TBC1D19: variants seen among roughly 807,000 people sequenced by gnomAD.
TBC1D19 encodes the protein TBC1 domain family, member 19.
A neutral mutation model predicts 89.0 loss-of-function variants in TBC1D19; 60 were observed. That is an observed-to-expected ratio of 0.67 (90% CI 0.55 to 0.84). The LOEUF is 0.84. TBC1D19 is among the 40% of genes least tolerant of loss of function. The pLI, the probability that TBC1D19 is intolerant of heterozygous loss-of-function variation, is 0.00. For synonymous variants in TBC1D19, 189 were observed against 199.7 expected, an observed-to-expected ratio of 0.95 and a Z score of 0.45; for missense variants, 500 against 610.8, an observed-to-expected ratio of 0.82 and a Z score of 1.91.
intron 19 of TBC1D19, among the ~76,000 whole-genome samples, chr4:26,751,008 G>A (rs1718920910): frequency 6.6e-6 from 1 of 152,114 alleles, no homozygotes; most frequent in South Asian, 2.1e-4. Flanking sequence ...CGATAGAATT[G>A]CTTAGAATTA....
chr4:26,786,906 A>G, the TBC1D19 span, among the ~76,000 whole-genome samples: 1 of 152,126 alleles, frequency 6.6e-6, no homozygotes, highest in Non-Finnish European at 1.5e-5. Context: ...TTTGAAGTCA[A>G]TTAGACAAGA....
At chr4:26,596,487 TGA>T (rs971835780) in intron 1 of TBC1D19, among the ~76,000 whole-genome samples, 32 of 142,306 alleles carry the variant, frequency 2.2e-4, no homozygotes, top group South Asian at 4.6e-4. Flanking sequence ...TGTGTGTGTG[TGA>T]GAGAGAGTGT....
intron 4 of TBC1D19, among the ~76,000 whole-genome samples, chr4:26,633,192 C>T (rs939132791): frequency 7.2e-5 from 11 of 152,086 alleles, no homozygotes; most frequent in African/African-American, 2.7e-4. Flanking sequence ...ATAAGTCTTC[C>T]AGACTTTCAT....
At chr4:26,650,459 G>A (rs1241074059) in intron 7 of TBC1D19, among the ~76,000 whole-genome samples, 11 of 152,188 alleles carry the variant, frequency 7.2e-5, no homozygotes, top group South Asian at 2.1e-4. Context: ...TTCTCTGATG[G>A]CCAGTGATGA....
intron 17 of TBC1D19, 33 bp from the exon 18 acceptor site, chr4:26,742,475 T>G (rs760698929): frequency 6.0e-6 from 9 of 1,490,800 alleles, no homozygotes; most frequent in Non-Finnish European, 8.2e-6. Context: ...TATTAAAATA[T>G]CTATTTCTCT....
rs574262678 is a variant in TBC1D19, at chr4:26,718,023, T to C, written c.1039+6T>C. The C allele has an allele frequency of 1.4e-4, 216 of 1,597,608 alleles. No individual in the cohort carries two copies. The highest frequency in any genetic ancestry group is 1.8e-4 in the Non-Finnish European group (207 of 1,167,466). Reference sequence around the variant, plus strand: ...ACCAAAATCATACATAAGAGGTAAATTTTTAATAATTTTAAGGAAGTATTA... The same window carrying C: ...ACCAAAATCATACATAAGAGGTAAACTTTTAATAATTTTAAGGAAGTATTA... On this transcript the variant is annotated splice_donor_region_variant and intron_variant, in intron 14 of 20. Transcript: ENST00000264866.
the TBC1D19 span, chr4:26,857,636 C>T: frequency 0.46 from 69,272 of 152,048 alleles, 16,250 homozygotes; most frequent in Middle Eastern, 0.67. Flanking sequence ...CGGAACCCAG[C>T]AGCTTGAGAA....
intron 3 of TBC1D19, among the ~76,000 whole-genome samples, chr4:26,615,016 GTAAT>G (rs1741597485): frequency 1.3e-5 from 2 of 152,088 alleles, no homozygotes; most frequent in Non-Finnish European, 2.9e-5. Context: ...TTTATCTAGT[GTAAT>G]TAGGGAATAA....
chr4:26,754,831 C>A, intron 20 of TBC1D19, 42 bp from the exon 21 acceptor site: 1 of 1,480,148 alleles, frequency 6.8e-7, no homozygotes, highest in Non-Finnish European at 9.2e-7. Flanking sequence ...ATTTCATAGA[C>A]TTCGCTTTGC....
At chr4:26,728,801 C>G (rs1164739513) in intron 15 of TBC1D19, among the ~76,000 whole-genome samples, 1 of 152,086 alleles carries the variant, frequency 6.6e-6, no homozygotes, top group East Asian at 1.9e-4. Flanking sequence ...ATCACGAGGT[C>G]AGGAGATCGA....
At chr4:26,797,006 T>A in the TBC1D19 span, among the ~76,000 whole-genome samples, 1 of 152,144 alleles carries the variant, frequency 6.6e-6, no homozygotes, top group Non-Finnish European at 1.5e-5. Flanking sequence ...AAGCTATTTT[T>A]AAAAAATTAT....
chr4:26,848,160 C>A, the TBC1D19 span, among the ~76,000 whole-genome samples: 1 of 152,188 alleles, frequency 6.6e-6, no homozygotes, highest in African/African-American at 2.4e-5. Flanking sequence ...TTAAAGACTG[C>A]TCTCCCAAAT....
chr4:26,591,276 AGTTT>A (rs762005219), intron 1 of TBC1D19, among the ~76,000 whole-genome samples: 19 of 152,092 alleles, frequency 1.2e-4, no homozygotes, highest in Non-Finnish European at 2.6e-4. Flanking sequence ...GATGTACCAC[AGTTT>A]GTTTATGCAT....
chr4:26,844,133 A>T, the TBC1D19 span, among the ~76,000 whole-genome samples: 1 of 152,216 alleles, frequency 6.6e-6, no homozygotes, highest in Non-Finnish European at 1.5e-5. Context: ...TTAAGTCTTC[A>T]TATCTTGATT....
intron 18 of TBC1D19, among the ~76,000 whole-genome samples, 192 bp from the exon 19 acceptor site, chr4:26,748,219 T>A (rs1031640732): frequency 6.6e-6 from 1 of 152,170 alleles, no homozygotes; most frequent in African/African-American, 2.4e-5. Context: ...CTTAATACTT[T>A]AAGACCACTA....
At chr4:26,642,452 C>T (rs1215950579) in intron 7 of TBC1D19, among the ~76,000 whole-genome samples, 2 of 152,220 alleles carry the variant, frequency 1.3e-5, no homozygotes, top group African/African-American at 4.8e-5. Context: ...AAAGGAACAA[C>T]TGGTACCAGC....
intron 9 of TBC1D19, among the ~76,000 whole-genome samples, chr4:26,671,454 C>T (rs1438728090): frequency 6.6e-6 from 1 of 151,808 alleles, no homozygotes. Context: ...ATATGTACAG[C>T]AAATATATTC....
At chr4:26,790,542 G>C in the TBC1D19 span, among the ~76,000 whole-genome samples, 1 of 149,872 alleles carries the variant, frequency 6.7e-6, no homozygotes. Flanking sequence ...GTGATGGATG[G>C]ATGGATGCAT....
chr4:26,669,362 A>G (rs769794498), intron 9 of TBC1D19, among the ~76,000 whole-genome samples: 7 of 151,768 alleles, frequency 4.6e-5, no homozygotes, highest in Non-Finnish European at 7.4e-5. Context: ...TATAAAGACT[A>G]TGAGAAGTCT....
Sources: gnomAD v4.1 joint callset for allele counts (sites outside exome capture counted in the v4.1 genomes callset) on GRCh38, gnomAD v4.1.1 for gene constraint, MANE v1.5 for transcripts, NCBI Gene and HGNC (gene_info 2026-07-23, HGNC 2026-07-21) for gene names.